Variants in KIF13B observed in about 807,000 individuals in gnomAD.
The protein encoded by KIF13B is kinesin-like protein KIF13B.
KIF13B carries 127 observed loss-of-function variants against 222.0 expected under a neutral mutation model. That is an observed-to-expected ratio of 0.57 (90% CI 0.50 to 0.66). The LOEUF is 0.66. KIF13B is among the 30% of genes least tolerant of loss of function. The pLI is 0.00. For synonymous variants in KIF13B, 976 were observed against 919.0 expected (o/e 1.06, Z -1.12); for missense variants, 2,173 against 2,379.0 (o/e 0.91, Z 1.80).
intron 2 of KIF13B, among the ~76,000 whole-genome samples, chr8:29,225,183 C>G (rs552195865): frequency 5.9e-5 from 9 of 152,280 alleles, no homozygotes; most frequent in Non-Finnish European, 1.3e-4. Context: ...TGTGGGAAGG[C>G]AGAAAGGCAG....
At chr8:29,122,131 G>C (rs576951350) in intron 29 of KIF13B, among the ~76,000 whole-genome samples, 4 of 152,250 alleles carry the variant, frequency 2.6e-5, no homozygotes, top group African/African-American at 9.6e-5. Flanking sequence ...GCACAAGCCT[G>C]TAATCCCAGC....
At chr8:29,128,761 TAGAC>T (rs776183578) in intron 24 of KIF13B, among the ~76,000 whole-genome samples, 3 of 152,216 alleles carry the variant, frequency 2.0e-5, no homozygotes, top group African/African-American at 7.2e-5. Context: ...CTTAAACTAT[TAGAC>T]AGAACTTCCT....
chr8:29,171,059 C>T (rs754246260), intron 10 of KIF13B, among the ~76,000 whole-genome samples: 8 of 152,164 alleles, frequency 5.3e-5, no homozygotes, highest in African/African-American at 2.4e-5. Flanking sequence ...TCGAGGGAAA[C>T]GACTGTCATC....
chr8:29,152,237 A>G (rs1811330928), intron 14 of KIF13B, among the ~76,000 whole-genome samples: 1 of 152,162 alleles, frequency 6.6e-6, no homozygotes, highest in African/African-American at 2.4e-5. Context: ...GATGGAATCT[A>G]CTCCTGGTGA....
In KIF13B at chr8:29,126,150, G is replaced by A. The variant is rs567614417; in HGVS notation, c.3252+332C>T. ...CCTAGTGTTGACTAAAGCTCAGAAT[G>A]AGACAACTATAATAGGGGCAACGAG... On this transcript the variant is annotated intron_variant, in intron 26 of 39. Transcript: ENST00000524189. Among the ~76,000 whole-genome samples the A allele has an allele frequency of 1.7e-3, 255 of 152,076 alleles. 1 individual carries two copies. The highest frequency in any genetic ancestry group is 5.9e-3 in the African/African-American group (245 of 41,514).
At chr8:29,213,593 C>T (rs1048180690) in intron 2 of KIF13B, among the ~76,000 whole-genome samples, 4 of 152,170 alleles carry the variant, frequency 2.6e-5, no homozygotes, top group Admixed American at 6.5e-5. Context: ...TCCTAGACTA[C>T]AAACCTGTAT....
At chr8:29,095,241 G>A (rs911779050) in intron 36 of KIF13B, among the ~76,000 whole-genome samples, 3 of 152,172 alleles carry the variant, frequency 2.0e-5, no homozygotes, top group African/African-American at 7.2e-5. Flanking sequence ...GAAAGTAGGT[G>A]AACCAAACAA....
chr8:29,257,305 C>A (rs1340592174), intron 1 of KIF13B, among the ~76,000 whole-genome samples: 5 of 151,774 alleles, frequency 3.3e-5, no homozygotes, highest in Non-Finnish European at 7.4e-5. Context: ...CTTCCCAGGT[C>A]ACAGGGCACA....
chr8:29,113,569 A>G lies in KIF13B; in HGVS notation c.3838-14T>C. The G allele has an allele frequency of 1.3e-6, 2 of 1,483,402 alleles. No individual in the cohort carries two copies. The highest frequency in any genetic ancestry group is 2.4e-5 in the South Asian group (2 of 82,584). 91.9% of individuals were successfully genotyped at this position (1,483,402 alleles called of 1,614,324 possible). A position where few individuals can be genotyped will look rare whatever the true frequency, so the allele number is the denominator to read the frequency against. On this transcript the variant is annotated splice_polypyrimidine_tract_variant and intron_variant, in intron 31 of 39. Transcript: ENST00000524189. ...CTGTGCAAAACCCTAGAGAAAAACA[A>G]AATAGAAGATATGGTTTCCCACCTG...
intron 3 of KIF13B, among the ~76,000 whole-genome samples, chr8:29,192,937 G>A (rs1242934742): frequency 6.6e-6 from 1 of 152,146 alleles, no homozygotes; most frequent in Non-Finnish European, 1.5e-5. Context: ...GTGGGGGCCT[G>A]CAGGGAGAGC....
chr8:29,140,755 A>T (rs915077760), intron 19 of KIF13B, 138 bp from the exon 20 acceptor site: 1 of 804,086 alleles, frequency 1.2e-6, no homozygotes, highest in Non-Finnish European at 1.9e-6. Flanking sequence ...AGAGTAAAAC[A>T]TTCTAAAGTT....
chr8:29,253,623 A>T (rs1053113371), intron 1 of KIF13B, among the ~76,000 whole-genome samples: 3 of 151,990 alleles, frequency 2.0e-5, no homozygotes, highest in African/African-American at 7.2e-5. Flanking sequence ...GTATTTAAAA[A>T]ACTCATAAGG....
chr8:29,118,752 T>C (rs185840527), intron 30 of KIF13B, 116 bp downstream of exon 30: 2 of 1,032,016 alleles, frequency 1.9e-6, no homozygotes, highest in East Asian at 2.4e-5. Flanking sequence ...GGTTTTGCTT[T>C]ATGTATTTTG....
intron 32 of KIF13B, among the ~76,000 whole-genome samples, chr8:29,112,828 C>T (rs944531590): frequency 1.3e-5 from 2 of 152,236 alleles, no homozygotes; most frequent in African/African-American, 4.8e-5. Flanking sequence ...AGATAAGCCA[C>T]ATCTTCCATC....
intron 2 of KIF13B, among the ~76,000 whole-genome samples, chr8:29,213,063 G>T (rs1450531101): frequency 6.6e-6 from 1 of 152,080 alleles, no homozygotes; most frequent in Non-Finnish European, 1.5e-5. Context: ...AGAGTAAGCA[G>T]CCCTCATTCA....
chr8:29,132,278 A>T, intron 23 of KIF13B, 30 bp downstream of exon 23: 1 of 1,396,706 alleles, frequency 7.2e-7, no homozygotes, highest in Non-Finnish European at 9.4e-7. Flanking sequence ...CATATATATA[A>T]ATGGAATCAG....
chr8:29,083,374 G>T (rs1298479866), intron 37 of KIF13B, among the ~76,000 whole-genome samples: 1 of 152,100 alleles, frequency 6.6e-6, no homozygotes, highest in Non-Finnish European at 1.5e-5. Flanking sequence ...TTTACAATCT[G>T]TTCCTTTATA....
intron 2 of KIF13B, among the ~76,000 whole-genome samples, chr8:29,241,765 G>C (rs888175418): frequency 1.4e-4 from 20 of 146,464 alleles, no homozygotes; most frequent in African/African-American, 5.0e-4. Context: ...AAAGCAGAAA[G>C]AATGATTATT....
intron 37 of KIF13B, among the ~76,000 whole-genome samples, chr8:29,082,223 C>A (rs746371031): frequency 6.6e-5 from 10 of 152,086 alleles, no homozygotes; most frequent in Non-Finnish European, 8.8e-5. Context: ...AATTAAAAGG[C>A]CTATTTTTCC....
Sources: gnomAD v4.1 joint callset for allele counts (sites outside exome capture counted in the v4.1 genomes callset) on GRCh38, gnomAD v4.1.1 for gene constraint, MANE v1.5 for transcripts, NCBI Gene and HGNC (gene_info 2026-07-23, HGNC 2026-07-21) for gene names.